XYLB: variants seen among roughly 807,000 people sequenced by gnomAD.
XYLB encodes the protein xylulokinase.
A neutral mutation model predicts 78.7 loss-of-function variants in XYLB; 62 were observed. The ratio of observed to expected loss-of-function variants is 0.79; its 90% CI spans 0.64 to 0.97. The LOEUF is 0.97. XYLB is among the 50% of genes least tolerant of loss of function. The pLI is 0.00. For synonymous variants in XYLB, 245 were observed against 247.4 expected, an observed-to-expected ratio of 0.99 and a Z score of 0.09; for missense variants, 687 against 676.8, an observed-to-expected ratio of 1.02 and a Z score of -0.17.
At chr3:38,379,182 CACAT>C in intron 14 of XYLB, 60 bp from the exon 15 acceptor site, 1 of 1,505,688 alleles carries the variant, frequency 6.6e-7, no homozygotes, top group Non-Finnish European at 9.2e-7. Context: ...CACAGACACA[CACAT>C]ACACACACGA....
intron 1 of XYLB, among the ~76,000 whole-genome samples, chr3:38,347,640 G>C (rs2844432): frequency 0.95 from 144,904 of 151,952 alleles, 69,487 homozygotes; most frequent in East Asian, 1. Flanking sequence ...GGCGTCACCG[G>C]TCTCCAGCCT....
chr3:38,376,891 G>A, intron 13 of XYLB, 27 bp from the exon 14 acceptor site: 1 of 1,597,750 alleles, frequency 6.3e-7, no homozygotes, highest in Non-Finnish European at 8.6e-7. Context: ...ACTAATGACG[G>A]CTGATCTCTT....
At chr3:38,443,347 T>G in the XYLB span, among the ~76,000 whole-genome samples, 2,480 of 152,290 alleles carry the variant, frequency 0.016, 35 homozygotes, top group Non-Finnish European at 0.022. Flanking sequence ...AGAGAACATT[T>G]GTCCTCTGGG....
intron 18 of XYLB, among the ~76,000 whole-genome samples, chr3:38,401,466 C>T (rs1168677454): frequency 8.6e-5 from 13 of 151,852 alleles, no homozygotes; most frequent in Admixed American, 7.2e-4. Context: ...TTATGGGAGT[C>T]GGGGGAGTTG....
chr3:38,373,685 G>C (rs1296138252), intron 10 of XYLB, among the ~76,000 whole-genome samples: 1 of 152,168 alleles, frequency 6.6e-6, no homozygotes, highest in African/African-American at 2.4e-5. Context: ...TAGATCCAAG[G>C]CTTCTGACAC....
chr3:38,350,202 T>C (rs1705287770), intron 2 of XYLB, among the ~76,000 whole-genome samples: 1 of 152,204 alleles, frequency 6.6e-6, no homozygotes. Flanking sequence ...TGTTGCCAAC[T>C]CTTTGCCCCC....
Position 38,363,005 on chromosome 3 carries a change from C to T in XYLB, c.279C>T (p.Ser93=), listed in dbSNP as rs201491303. 95 of 1,558,586 alleles carry T rather than the reference C, an allele frequency of 6.1e-5. No individual in the cohort carries two copies. Among genetic ancestry groups the T allele is most frequent in the East Asian group, 4.8e-4 (20 of 41,630 alleles). Residue 93 remains serine (S), a synonymous_variant, in exon 4 of 19, where the codon TCC becomes TCT. Coordinates refer to ENST00000207870, the MANE Select transcript of XYLB (RefSeq NM_005108.4). ...GFDFSQVLAL[S]GAGQQHGSIY... ...ACTTCTCTCAAGTCCTAGCCTTGTC[C>T]GGGGCGGGCCAGGTTCGTTTGCAGC...
downstream of XYLB, among the ~76,000 whole-genome samples, chr3:38,424,748 T>G (rs1006992101): frequency 2.0e-5 from 3 of 152,358 alleles, no homozygotes; most frequent in Middle Eastern, 6.8e-3. Context: ...TTGAAAATGT[T>G]CAGTTACAAT....
At chr3:38,424,064 A>T (rs1709053920), downstream of XYLB, among the ~76,000 whole-genome samples, 1 of 152,222 alleles carries the variant, frequency 6.6e-6, no homozygotes, top group South Asian at 2.1e-4. Flanking sequence ...TCCCAGTCTC[A>T]CAAACCCTTG....
At chr3:38,425,067 G>T (rs1709073667), downstream of XYLB, among the ~76,000 whole-genome samples, 1 of 152,240 alleles carries the variant, frequency 6.6e-6, no homozygotes, top group Non-Finnish European at 1.5e-5. Flanking sequence ...TTTTACAGGA[G>T]TAGTTAATAC....
At chr3:38,387,534 C>T (rs1707438098) in intron 15 of XYLB, among the ~76,000 whole-genome samples, 1 of 151,268 alleles carries the variant, frequency 6.6e-6, no homozygotes, top group South Asian at 2.1e-4. Flanking sequence ...CCACATCTGG[C>T]TAATTTTTTG....
intron 2 of XYLB, among the ~76,000 whole-genome samples, chr3:38,359,330 G>A (rs1404245882): frequency 6.6e-6 from 1 of 152,182 alleles, no homozygotes; most frequent in East Asian, 1.9e-4. Flanking sequence ...GGTGTTCCTT[G>A]CCCTCATTCC....
At chr3:38,427,822 C>G in the XYLB span, among the ~76,000 whole-genome samples, 1 of 152,292 alleles carries the variant, frequency 6.6e-6, no homozygotes, top group East Asian at 1.9e-4. Flanking sequence ...GAACTCCTGA[C>G]TTCAAGTGAT....
intron 2 of XYLB, among the ~76,000 whole-genome samples, chr3:38,352,142 C>T (rs1705398805): frequency 6.7e-6 from 1 of 150,038 alleles, no homozygotes; most frequent in Non-Finnish European, 1.5e-5. Context: ...TGTTAACAGG[C>T]ATTACATTGC....
chr3:38,378,948 A>G (rs573602247), intron 14 of XYLB, among the ~76,000 whole-genome samples: 2 of 151,920 alleles, frequency 1.3e-5, no homozygotes, highest in African/African-American at 4.8e-5. Context: ...AATGTAACTT[A>G]TTGAAGATTG....
intron 18 of XYLB, among the ~76,000 whole-genome samples, chr3:38,406,010 T>C (rs942784652): frequency 6.6e-6 from 1 of 152,222 alleles, no homozygotes; most frequent in Non-Finnish European, 1.5e-5. Flanking sequence ...AATATCCCTG[T>C]CTGACAGCTT....
the XYLB span, chr3:38,452,405 C>A: frequency 6.6e-6 from 1 of 151,974 alleles, no homozygotes; most frequent in Non-Finnish European, 1.5e-5. Context: ...ATTTCAATGT[C>A]AATCAGAACA....
intron 18 of XYLB, among the ~76,000 whole-genome samples, chr3:38,410,465 G>C (rs34652378): frequency 2.6e-5 from 4 of 151,452 alleles, no homozygotes; most frequent in African/African-American, 7.3e-5. Context: ...ATTCAGGACA[G>C]AGGCATGGGC....
At position 38,370,501 on chromosome 3, in the gene XYLB, T is replaced by G. The variant is rs191942581; in HGVS notation, c.765+327T>G. ...GAAAAAGTGCACAGAGTGCTGAAAT[T>G]CTAGGGACTACTGATGAAGCTTGAA... On this transcript the variant is annotated intron_variant, in intron 9 of 18. Transcript: ENST00000207870. 6.9e-4 allele frequency among the ~76,000 whole-genome samples: 105 copies of G among 152,134 alleles called. 1 individual carries two copies. Among genetic ancestry groups the G allele is most frequent in the African/African-American group, 2.2e-3 (91 of 41,498 alleles).
Sources: allele counts gnomAD v4.1 joint callset (sites outside exome capture counted in the v4.1 genomes callset), GRCh38; gene constraint gnomAD v4.1.1; transcripts MANE v1.5; gene names NCBI Gene and HGNC (gene_info 2026-07-23, HGNC 2026-07-21).